Variants in AHI1 observed in about 807,000 individuals in gnomAD.
AHI1 encodes the protein Abelson helper integration site 1.
AHI1 carries 123 observed loss-of-function variants against 149.3 expected under a neutral mutation model. That is an observed-to-expected ratio of 0.82 (90% CI 0.71 to 0.96). AHI1 has a LOEUF of 0.96. AHI1 is among the 40% of genes least tolerant of loss of function. The pLI is 0.00. For missense variants in AHI1, 1,439 were observed against 1,422.7 expected, an observed-to-expected ratio of 1.01 and a Z score of -0.18; for synonymous variants, 475 against 459.8, an observed-to-expected ratio of 1.03 and a Z score of -0.42.
intron 5 of AHI1, among the ~76,000 whole-genome samples, chr6:135,480,324 G>A (rs1289941043): frequency 6.6e-6 from 1 of 152,126 alleles, no homozygotes; most frequent in Non-Finnish European, 1.5e-5. Context: ...CAGATGTGGT[G>A]GTGTGCACCT....
intron 23 of AHI1, among the ~76,000 whole-genome samples, chr6:135,392,042 A>G (rs79665240): frequency 1.0e-3 from 152 of 152,286 alleles, no homozygotes; most frequent in Non-Finnish European, 1.7e-3. Flanking sequence ...TGGAACACAT[A>G]AAGTTTGAGA....
intron 23 of AHI1, among the ~76,000 whole-genome samples, chr6:135,385,818 C>A (rs1777498533): frequency 6.6e-6 from 1 of 152,068 alleles, no homozygotes; most frequent in Non-Finnish European, 1.5e-5. Flanking sequence ...AAAACAAAAA[C>A]AAAACAAAAC....
intron 22 of AHI1, among the ~76,000 whole-genome samples, chr6:135,400,543 G>A (rs187134553): frequency 6.6e-6 from 1 of 152,162 alleles, no homozygotes; most frequent in African/African-American, 2.4e-5. Context: ...GATTAGAAGC[G>A]AAAGCAGTTA....
intron 23 of AHI1, among the ~76,000 whole-genome samples, chr6:135,369,757 T>C (rs918739825): frequency 3.9e-5 from 6 of 152,218 alleles, no homozygotes; most frequent in African/African-American, 1.2e-4. Flanking sequence ...TAAGGTGTCC[T>C]ATCTGTTGTT....
chr6:135,386,814 A>T (rs1488648940), intron 23 of AHI1, among the ~76,000 whole-genome samples: 3 of 151,946 alleles, frequency 2.0e-5, no homozygotes, highest in Non-Finnish European at 4.4e-5. Flanking sequence ...TAATTTTAGT[A>T]GAGACAGGGT....
At chr6:135,448,899 A>G (rs1213977525) in intron 11 of AHI1, among the ~76,000 whole-genome samples, 10 of 152,356 alleles carry the variant, frequency 6.6e-5, no homozygotes, top group Middle Eastern at 3.4e-3. Context: ...TATGTTTTAA[A>G]TTTTTAAAAA....
intron 23 of AHI1, among the ~76,000 whole-genome samples, chr6:135,372,112 C>T (rs1302835163): frequency 3.3e-5 from 5 of 152,162 alleles, no homozygotes; most frequent in African/African-American, 4.8e-5. Context: ...ATGGCTGTAA[C>T]TTGCAACTGA....
At chr6:135,330,854 A>C (rs1788480150) in intron 24 of AHI1, among the ~76,000 whole-genome samples, 1 of 152,164 alleles carries the variant, frequency 6.6e-6, no homozygotes, top group Admixed American at 6.5e-5. Flanking sequence ...TGATCATCAT[A>C]TTGTATGTAG....
intron 24 of AHI1, among the ~76,000 whole-genome samples, chr6:135,355,346 G>T (rs1792784849): frequency 6.6e-6 from 1 of 150,764 alleles, no homozygotes; most frequent in East Asian, 1.9e-4. Context: ...GGTACTATTT[G>T]TAAGAAAGAA....
At chr6:135,447,277 C>T in intron 12 of AHI1, 117 bp from the exon 13 acceptor site, 1 of 744,914 alleles carries the variant, frequency 1.3e-6, no homozygotes, top group Non-Finnish European at 1.9e-6. Flanking sequence ...AAATGTAATC[C>T]AGAAAAAAAT....
chr6:135,334,460 GA>G (rs1562521401), intron 24 of AHI1, among the ~76,000 whole-genome samples: 1 of 152,136 alleles, frequency 6.6e-6, no homozygotes, highest in Admixed American at 6.5e-5. Context: ...AGAAATGTGA[GA>G]AATAAACTTC....
chr6:135,355,913 A>G, intron 24 of AHI1, among the ~76,000 whole-genome samples: 1 of 152,270 alleles, frequency 6.6e-6, no homozygotes, highest in South Asian at 2.1e-4. Context: ...AAACAAACAA[A>G]CAAACAAACA....
At chr6:135,419,764 CACA>C (rs1046869077) in intron 20 of AHI1, among the ~76,000 whole-genome samples, 17 of 152,066 alleles carry the variant, frequency 1.1e-4, no homozygotes, top group Admixed American at 9.2e-4. Flanking sequence ...TGGCAATTTA[CACA>C]ACAATGAAAT....
chr6:135,466,148 G>C lies in AHI1; in HGVS notation c.415C>G (p.Gln139Glu), dbSNP rs1790717922. The C allele has an allele frequency of 1.2e-6, 2 of 1,613,734 alleles. No homozygotes were observed. Among genetic ancestry groups the C allele is most frequent in the African/African-American group, 1.3e-5 (1 of 74,884 alleles). Residue 139 changes from glutamine (Q) to glutamate (E), a missense_variant, in exon 7 of 29, where the codon CAA (glutamine) becomes GAA (glutamate). Coordinates refer to ENST00000265602, the MANE Select transcript of AHI1 (RefSeq NM_001134831.2). ...TCAGGAGTTTCCGGTTTCAGGTCTTGTGTAGTCAACTGGGGCACCGTCTTT... is the reference window on the plus strand; with the variant it reads ...TCAGGAGTTTCCGGTTTCAGGTCTTCTGTAGTCAACTGGGGCACCGTCTTT... ...VIKTVPQLTT[Q>E]DLKPETPENK...
intron 21 of AHI1, among the ~76,000 whole-genome samples, chr6:135,410,529 AG>A (rs1489419434): frequency 6.6e-6 from 1 of 152,146 alleles, no homozygotes; most frequent in African/African-American, 2.4e-5. Context: ...TCTAAACCAT[AG>A]TTTTCACCTA....
At position 135,323,343 on chromosome 6, in the gene AHI1, C is replaced by T. The variant is rs1340261191; in HGVS notation, c.3166-19G>A. 2.5e-6 allele frequency: 4 copies of T among 1,610,620 alleles called. No individual in the cohort carries two copies. The highest frequency in any genetic ancestry group is 3.4e-6 in the Non-Finnish European group (4 of 1,178,286). On this transcript the variant is annotated intron_variant, in intron 24 of 28. Coordinates refer to ENST00000265602, the MANE Select transcript of AHI1 (RefSeq NM_001134831.2). ...CCACTACCTAAGAGAGAGATAAGACCACCACAGCTTTATCACAACTGTACC... is the reference window on the plus strand; with the variant it reads ...CCACTACCTAAGAGAGAGATAAGACTACCACAGCTTTATCACAACTGTACC...
chr6:135,329,535 A>T (rs1251150845), intron 24 of AHI1, among the ~76,000 whole-genome samples: 1 of 152,208 alleles, frequency 6.6e-6, no homozygotes, highest in Non-Finnish European at 1.5e-5. Flanking sequence ...AGAAAAAAAG[A>T]TTCCTTTCAA....
intron 23 of AHI1, among the ~76,000 whole-genome samples, chr6:135,393,103 A>G (rs924137802): frequency 2.6e-5 from 4 of 152,068 alleles, no homozygotes; most frequent in African/African-American, 9.7e-5. Context: ...TATGGCCTAC[A>G]TGGCCATGGA....
intron 23 of AHI1, among the ~76,000 whole-genome samples, chr6:135,358,499 C>G (rs138724009): frequency 2.6e-5 from 4 of 152,302 alleles, no homozygotes; most frequent in African/African-American, 9.6e-5. Context: ...TGCTGCTTTT[C>G]TTCCATGAAA....
Sources: gnomAD v4.1 joint callset for allele counts (sites outside exome capture counted in the v4.1 genomes callset) on GRCh38, gnomAD v4.1.1 for gene constraint, MANE v1.5 for transcripts, NCBI Gene and HGNC (gene_info 2026-07-23, HGNC 2026-07-21) for gene names.